Variants in ANKRD26 observed in about 807,000 individuals in gnomAD.
The protein encoded by ANKRD26 is ankyrin repeat domain-containing protein 26.
A neutral mutation model predicts 208.7 loss-of-function variants in ANKRD26; 141 were observed. The ratio of observed to expected loss-of-function variants is 0.68; its 90% CI spans 0.59 to 0.78. ANKRD26 has a LOEUF of 0.78. ANKRD26 is among the 30% of genes least tolerant of loss of function. The pLI is 0.00. For synonymous variants in ANKRD26, 636 were observed against 660.4 expected, an observed-to-expected ratio of 0.96 and a Z score of 0.57; for missense variants, 1,889 against 1,938.7, an observed-to-expected ratio of 0.97 and a Z score of 0.48.
At chr10:26,960,258 G>A in the ANKRD26 span, among the ~76,000 whole-genome samples, 1 of 152,220 alleles carries the variant, frequency 6.6e-6, no homozygotes, top group Admixed American at 6.5e-5. Flanking sequence ...TGCCAGCTCT[G>A]GGAGCCTAGC....
chr10:27,095,570 G>A lies in ANKRD26; in HGVS notation c.243-1771C>T, dbSNP rs374391614. 9.8e-5 allele frequency among the ~76,000 whole-genome samples: 15 copies of A among 152,310 alleles called. No homozygotes were observed. The South Asian group carries it at 1.0e-3, about 11-fold the overall frequency. ...GTAATCCCAGCTACTCGAGGGGGCT[G>A]AGGCAGGAGAATCACTTGAACCCTG... On this transcript the variant is annotated intron_variant, in intron 1 of 33. Coordinates refer to ENST00000376087, the MANE Select transcript of ANKRD26 (RefSeq NM_014915.3).
intron 4 of ANKRD26, among the ~76,000 whole-genome samples, chr10:26,996,882 G>A (rs781663709): frequency 5.3e-5 from 8 of 152,034 alleles, no homozygotes; most frequent in East Asian, 1.9e-4. Flanking sequence ...TCTCTTCTCC[G>A]CTAATGTTTC....
chr10:26,972,687 T>C (rs1010134825), downstream of ANKRD26, among the ~76,000 whole-genome samples: 1 of 150,692 alleles, frequency 6.6e-6, no homozygotes, highest in African/African-American at 2.5e-5. Context: ...GCCTCCCAGG[T>C]TGACGCCATT....
At chr10:26,971,468 A>T (rs915626793), downstream of ANKRD26, among the ~76,000 whole-genome samples, 2 of 152,044 alleles carry the variant, frequency 1.3e-5, no homozygotes, top group African/African-American at 4.8e-5. Context: ...TGAGGTCAGG[A>T]GTTCGAGACC....
the ANKRD26 span, among the ~76,000 whole-genome samples, chr10:26,948,920 G>A: frequency 1.2e-4 from 19 of 152,196 alleles, no homozygotes; most frequent in Middle Eastern, 3.4e-3. Context: ...GCTTGAACCC[G>A]GGAGGCGGAG....
At chr10:27,097,015 A>G (rs1470446567) in intron 1 of ANKRD26, among the ~76,000 whole-genome samples, 2 of 150,608 alleles carry the variant, frequency 1.3e-5, no homozygotes. Context: ...AACCCCATCT[A>G]TACTAAAAAT....
At chr10:27,036,837 T>C (rs2054060527) in intron 23 of ANKRD26, among the ~76,000 whole-genome samples, 1 of 152,242 alleles carries the variant, frequency 6.6e-6, no homozygotes, top group African/African-American at 2.4e-5. Context: ...CATTAATATA[T>C]CAAGGTGATG....
chr10:26,989,026 C>A (rs2052440491), downstream of ANKRD26, among the ~76,000 whole-genome samples: 1 of 152,028 alleles, frequency 6.6e-6, no homozygotes. Flanking sequence ...TTGAGATAAT[C>A]TTCTATGATA....
chr10:27,052,476 G>A (rs558146522), intron 16 of ANKRD26, among the ~76,000 whole-genome samples: 6 of 152,128 alleles, frequency 3.9e-5, no homozygotes, highest in African/African-American at 1.4e-4. Flanking sequence ...AGTACTTTTT[G>A]TAAAGATTTC....
chr10:26,956,020 AC>A, the ANKRD26 span, among the ~76,000 whole-genome samples: 1 of 152,154 alleles, frequency 6.6e-6, no homozygotes. Flanking sequence ...ATTATAAATG[AC>A]TATCTGTGTT....
intron 17 of ANKRD26, among the ~76,000 whole-genome samples, chr10:27,047,704 C>T (rs189559918): frequency 1.2e-5 from 1 of 84,976 alleles, no homozygotes; most frequent in African/African-American, 4.0e-5. Context: ...TGTAATAATA[C>T]TACTACTACT....
rs569671117 is a variant in ANKRD26, at chr10:27,006,938, T to C, written c.4978A>G (p.Ile1660Val). ...ATACCTTCTTTGAGTTCTCTAGTTA[T>C]ATTTTTTTCCAACTCCTGCTGCATC... ...SKMQQELEKN[I>V]TRELKEAAAE... Residue 1660 changes from isoleucine to valine, a missense_variant, in exon 33 of 34, where the codon ATA (isoleucine) becomes GTA (valine). Ile to Val is a conservative substitution (Grantham distance 29, BLOSUM62 3). Around this residue, in one of 3 missense-constraint regions of ANKRD26, gnomAD observed 613 missense variants for 648.2 expected, o/e 0.95. Coordinates refer to ENST00000376087, the MANE Select transcript of ANKRD26 (RefSeq NM_014915.3). The C allele has an allele frequency of 1.9e-6, 3 of 1,610,248 alleles. No homozygotes were observed. The highest frequency in any genetic ancestry group is 2.5e-6 in the Non-Finnish European group (3 of 1,177,368).
At chr10:27,017,815 T>G in intron 29 of ANKRD26, 23 bp from the exon 30 acceptor site, 2 of 1,602,446 alleles carry the variant, frequency 1.2e-6, no homozygotes, top group Non-Finnish European at 1.7e-6. Flanking sequence ...AATAATATAG[T>G]GTAATAATGA....
chr10:26,988,768 G>A (rs1449646971), downstream of ANKRD26, among the ~76,000 whole-genome samples: 1 of 151,868 alleles, frequency 6.6e-6, no homozygotes, highest in Non-Finnish European at 1.5e-5. Context: ...TACTCAAGCC[G>A]GGCATGATGG....
intron 4 of ANKRD26, among the ~76,000 whole-genome samples, chr10:26,982,328 G>A (rs1004047540): frequency 4.6e-5 from 7 of 152,094 alleles, no homozygotes; most frequent in Admixed American, 2.6e-4. Context: ...AATAGGAGGC[G>A]GGTTGGTGTG....
At chr10:27,060,472 T>C (rs756700724) in intron 14 of ANKRD26, 40 bp downstream of exon 14, 4 of 1,556,900 alleles carry the variant, frequency 2.6e-6, no homozygotes, top group African/African-American at 2.7e-5. Flanking sequence ...TTATACAATA[T>C]GCACTTAATA....
chr10:27,007,070 CACTTA>C (rs781451287), intron 32 of ANKRD26, 108 bp from the exon 33 acceptor site: 31 of 717,896 alleles, frequency 4.3e-5, no homozygotes, highest in East Asian at 7.5e-5. Context: ...TTAAAGACTA[CACTTA>C]ACTTGATTGC....
intron 16 of ANKRD26, among the ~76,000 whole-genome samples, chr10:27,049,707 T>A (rs954361976): frequency 6.6e-6 from 1 of 152,138 alleles, no homozygotes; most frequent in Non-Finnish European, 1.5e-5. Flanking sequence ...AAATGATCCA[T>A]CCAGATTAAA....
intron 16 of ANKRD26, chr10:27,051,603 C>T (rs2054662084): frequency 1.0e-6 from 1 of 985,136 alleles, no homozygotes; most frequent in Non-Finnish European, 1.2e-6. Context: ...ATTTTCATGG[C>T]CTAATTTATT....
Sources: gnomAD v4.1 joint callset for allele counts (sites outside exome capture counted in the v4.1 genomes callset) on GRCh38, gnomAD v4.1.1 for gene constraint, gnomAD v4.1.1 regional missense constraint, MANE v1.5 for transcripts, NCBI Gene and HGNC (gene_info 2026-07-23, HGNC 2026-07-21) for gene names.